The following CNTN1 variants were observed in gnomAD, a reference collection of about 807,000 sequenced individuals.
CNTN1 encodes the protein contactin 1.
CNTN1 carries 38 observed loss-of-function variants against 126.4 expected under a neutral mutation model. That is an observed-to-expected ratio of 0.30 (90% confidence interval 0.23 to 0.39). The LOEUF is 0.39. Among genes scored for constraint, CNTN1 ranks in the 10% least tolerant of loss-of-function variants. The pLI, the probability that CNTN1 is intolerant of heterozygous loss-of-function variation, is 1.00. For missense variants in CNTN1, 1,009 were observed against 1,248.4 expected (o/e 0.81, Z 2.89); for synonymous variants, 413 against 422.6 (o/e 0.98, Z 0.28).
At chr12:41,011,047 A>G (rs1015763947) in intron 17 of CNTN1, among the ~76,000 whole-genome samples, 2 of 152,204 alleles carry the variant, frequency 1.3e-5, no homozygotes, top group African/African-American at 4.8e-5. Context: ...TTGGCTTAAG[A>G]GCAGCAAAAC....
chr12:41,013,367 C>T (rs183025947), intron 17 of CNTN1, among the ~76,000 whole-genome samples: 65 of 152,264 alleles, frequency 4.3e-4, no homozygotes, highest in African/African-American at 1.5e-3. Context: ...TGCAGCTCGA[C>T]TTTACAGGCT....
intron 11 of CNTN1, among the ~76,000 whole-genome samples, chr12:40,938,075 G>T (rs905210790): frequency 3.3e-4 from 50 of 152,276 alleles, no homozygotes; most frequent in African/African-American, 1.2e-3. Context: ...ATGAAGATAT[G>T]CTTAGGCCTA....
At chr12:41,010,902 G>A (rs907689301) in intron 17 of CNTN1, among the ~76,000 whole-genome samples, 2 of 151,872 alleles carry the variant, frequency 1.3e-5, no homozygotes, top group Admixed American at 6.6e-5. Flanking sequence ...CTTCCTATCG[G>A]GAATGGTGTT....
At chr12:40,947,778 T>TACAC (rs879449831) in intron 14 of CNTN1, among the ~76,000 whole-genome samples, 4 of 65,358 alleles carry the variant, frequency 6.1e-5, no homozygotes, top group East Asian at 7.3e-4. Context: ...TATATATATA[T>TACAC]ATATACACAC....
At chr12:40,836,155 A>G (rs1301858805) in intron 1 of CNTN1, among the ~76,000 whole-genome samples, 1 of 116,324 alleles carries the variant, frequency 8.6e-6, no homozygotes, top group Non-Finnish European at 1.8e-5. Flanking sequence ...CACATATATG[A>G]TAATATATAA....
At chr12:40,933,264 A>G (rs1424345090) in intron 7 of CNTN1, among the ~76,000 whole-genome samples, 197 bp from the exon 8 acceptor site, 3 of 151,940 alleles carry the variant, frequency 2.0e-5, no homozygotes, top group African/African-American at 7.2e-5. Context: ...AGCCAATATT[A>G]TTGAAAATAC....
At chr12:40,830,887 A>AGTGATCT (rs1941800001) in intron 1 of CNTN1, among the ~76,000 whole-genome samples, 1 of 129,942 alleles carries the variant, frequency 7.7e-6, no homozygotes, top group Non-Finnish European at 1.6e-5. Context: ...AACTACTATA[A>AGTGATCT]GTGATCTGTA....
At chr12:40,936,356 T>G (rs1946080910) in intron 9 of CNTN1, among the ~76,000 whole-genome samples, 1 of 152,018 alleles carries the variant, frequency 6.6e-6, no homozygotes, top group African/African-American at 2.4e-5. Flanking sequence ...ATGAAGATAA[T>G]GTATACCTGA....
At chr12:40,917,989 G>T (rs1007206327) in intron 3 of CNTN1, among the ~76,000 whole-genome samples, 2 of 152,110 alleles carry the variant, frequency 1.3e-5, no homozygotes, top group Non-Finnish European at 2.9e-5. Context: ...AAAAGAGACT[G>T]ATTTTCTCAA....
chr12:40,837,676 G>A (rs1942113535), intron 1 of CNTN1, among the ~76,000 whole-genome samples: 2 of 152,190 alleles, frequency 1.3e-5, no homozygotes, highest in African/African-American at 2.4e-5. Context: ...GGAAACTTGG[G>A]CTGTCCCTGA....
At chr12:40,905,798 C>G (rs548569769) in intron 1 of CNTN1, among the ~76,000 whole-genome samples, 2 of 152,196 alleles carry the variant, frequency 1.3e-5, no homozygotes, top group African/African-American at 2.4e-5. Flanking sequence ...AAATTAGAAA[C>G]TATCAGGACA....
intron 14 of CNTN1, among the ~76,000 whole-genome samples, chr12:40,954,522 T>C (rs987325281): frequency 6.6e-6 from 1 of 152,132 alleles, no homozygotes; most frequent in Non-Finnish European, 1.5e-5. Context: ...TAACATCTTT[T>C]ACCTCCTTTG....
At chr12:40,727,073 A>G (rs1414041492) in intron 1 of CNTN1, among the ~76,000 whole-genome samples, 1 of 149,772 alleles carries the variant, frequency 6.7e-6, no homozygotes, top group Admixed American at 6.6e-5. Context: ...TTATTATAAT[A>G]ATTAAAAATT....
At chr12:40,783,765 T>A (rs1024385790) in intron 1 of CNTN1, among the ~76,000 whole-genome samples, 57 of 152,286 alleles carry the variant, frequency 3.7e-4, no homozygotes, top group Admixed American at 1.6e-3. Flanking sequence ...AAACTCTTCT[T>A]ATGCTAGAAA....
chr12:40,961,591 T>C (rs1748195310), intron 15 of CNTN1, among the ~76,000 whole-genome samples: 1 of 151,950 alleles, frequency 6.6e-6, no homozygotes, highest in Non-Finnish European at 1.5e-5. Flanking sequence ...CCACCAGAAA[T>C]TGTACATAAA....
At chr12:40,840,418 A>C (rs964490810) in intron 1 of CNTN1, among the ~76,000 whole-genome samples, 1 of 152,092 alleles carries the variant, frequency 6.6e-6, no homozygotes, top group Non-Finnish European at 1.5e-5. Flanking sequence ...CCCCACTCTC[A>C]GCATTAGGCA....
intron 1 of CNTN1, among the ~76,000 whole-genome samples, chr12:40,806,967 A>G (rs904130823): frequency 9.2e-5 from 14 of 152,144 alleles, no homozygotes; most frequent in African/African-American, 2.9e-4. Context: ...GCAGCTTTCT[A>G]CATCCTAAAT....
At chr12:40,958,147 C>A (rs1357382599) in intron 14 of CNTN1, among the ~76,000 whole-genome samples, 1 of 151,976 alleles carries the variant, frequency 6.6e-6, no homozygotes, top group African/African-American at 2.4e-5. Flanking sequence ...CTTTGACATG[C>A]TCCTGCTACC....
chr12:40,695,611 C>T (rs1464701978), intron 1 of CNTN1, among the ~76,000 whole-genome samples: 1 of 152,148 alleles, frequency 6.6e-6, no homozygotes, highest in African/African-American at 2.4e-5. Context: ...TATTCTAACT[C>T]ACCAGTAAGC....
Sources: gnomAD v4.1 joint callset for allele counts (sites outside exome capture counted in the v4.1 genomes callset) on GRCh38, gnomAD v4.1.1 for gene constraint, MANE v1.5 for transcripts, NCBI Gene and HGNC (gene_info 2026-07-23, HGNC 2026-07-21) for gene names.